The following KIF15 variants were observed in gnomAD, a reference collection of about 807,000 sequenced individuals.
KIF15 encodes the protein kinesin-like protein KIF15.
In KIF15, 140 loss-of-function variants were observed where a neutral mutation model predicts 190.6. That is an observed-to-expected ratio of 0.73 (90% confidence interval 0.64 to 0.84). The LOEUF is 0.84. KIF15 is among the 40% of genes least tolerant of loss of function. The probability of loss-of-function intolerance (pLI) is 0.00; values close to 1 mark genes in which losing one functional copy is unlikely to be tolerated. For missense variants in KIF15, 1,372 were observed against 1,584.4 expected (o/e 0.87, Z 2.28); for synonymous variants, 528 against 551.3 (o/e 0.96, Z 0.59).
chr3:44,763,780 T>A (rs1705261822), intron 1 of KIF15, among the ~76,000 whole-genome samples: 1 of 151,544 alleles, frequency 6.6e-6, no homozygotes, highest in Non-Finnish European at 1.5e-5. Flanking sequence ...CTCCACCTCC[T>A]GGGTTCAAGC....
rs781443874 is a variant in KIF15 at position 44,825,988 on chromosome 3, G to T, written c.2550-51G>T. The T allele has an allele frequency of 3.4e-6, 5 of 1,472,172 alleles. No individual in the cohort carries two copies. The South Asian group carries it at 6.3e-5, about 18-fold the overall frequency. The allele number at this position is 1,472,172 out of a possible 1,614,324, so 91.2% of individuals were successfully genotyped here. A position where few individuals can be genotyped will look rare whatever the true frequency, so the allele number is the denominator to read the frequency against. ...TGAACTGCAGATGATCTGATTAATA[G>T]AAATACATTAAATGTTTATTTACCA... On this transcript the variant is annotated intron_variant, in intron 20 of 34. Transcript: ENST00000326047.
At chr3:44,803,317 A>G (rs919637057) in intron 14 of KIF15, among the ~76,000 whole-genome samples, 1 of 152,218 alleles carries the variant, frequency 6.6e-6, no homozygotes, top group Non-Finnish European at 1.5e-5. Flanking sequence ...AAAGTCTTTA[A>G]CTAATCAAAC....
chr3:44,766,894 T>G (rs931029757), intron 1 of KIF15, among the ~76,000 whole-genome samples: 2 of 141,706 alleles, frequency 1.4e-5, no homozygotes, highest in Non-Finnish European at 3.0e-5. Context: ...CACTGCAAGC[T>G]CCGCCTCCTG....
intron 16 of KIF15, 116 bp from the exon 17 acceptor site, chr3:44,810,729 CT>C: frequency 1.2e-6 from 1 of 857,378 alleles, no homozygotes; most frequent in Non-Finnish European, 1.8e-6. Context: ...CTCAAGGGTA[CT>C]TTTTCCTTTC....
chr3:44,854,833 C>G (rs970235825), downstream of KIF15, among the ~76,000 whole-genome samples: 14 of 152,212 alleles, frequency 9.2e-5, no homozygotes, highest in African/African-American at 3.4e-4. Flanking sequence ...CCTTGTGCCT[C>G]TATCTCTTCT....
intron 19 of KIF15, among the ~76,000 whole-genome samples, chr3:44,814,591 A>T (rs1707944106): frequency 6.6e-6 from 1 of 152,200 alleles, no homozygotes; most frequent in African/African-American, 2.4e-5. Flanking sequence ...GATTATAGGC[A>T]TAAGCCACTG....
chr3:44,789,556 G>A (rs938433960), intron 7 of KIF15, among the ~76,000 whole-genome samples: 2 of 149,504 alleles, frequency 1.3e-5, no homozygotes, highest in South Asian at 4.2e-4. Flanking sequence ...TTTCTTGTCC[G>A]TGTAATCTAT....
intron 6 of KIF15, among the ~76,000 whole-genome samples, chr3:44,860,358 G>A (rs1575700339): frequency 6.6e-6 from 1 of 151,900 alleles, no homozygotes; most frequent in East Asian, 1.9e-4. Context: ...GTACCATATT[G>A]GCGTTACTGA....
chr3:44,794,518 G>A, intron 8 of KIF15, 92 bp downstream of exon 8: 2 of 934,648 alleles, frequency 2.1e-6, no homozygotes, highest in Non-Finnish European at 3.2e-6. Context: ...AGTCAATGAG[G>A]AACTGCATTT....
chr3:44,864,099 GC>G (rs1699293469), intron 6 of KIF15: 1 of 1,500,642 alleles, frequency 6.7e-7, no homozygotes, highest in African/African-American at 1.4e-5. Context: ...CTCAGTAGGA[GC>G]CTGGGTGCCA....
At chr3:44,843,275 C>T (rs1326597325) in intron 30 of KIF15, 41 bp downstream of exon 30, 1 of 1,382,580 alleles carries the variant, frequency 7.2e-7, no homozygotes, top group Non-Finnish European at 1.0e-6. Flanking sequence ...TAAATCTTGG[C>T]CTGCCTGTGT....
At chr3:44,834,926 C>A (rs2125705550) in intron 26 of KIF15, among the ~76,000 whole-genome samples, 1 of 150,776 alleles carries the variant, frequency 6.6e-6, no homozygotes, top group East Asian at 1.9e-4. Context: ...GAGCGATACT[C>A]CATCTCAAAA....
At position 44,805,101 on chromosome 3, in the gene KIF15, C is replaced by G. The variant is rs1707435394; in HGVS notation, c.1762C>G (p.Leu588Val). The part of the protein sequence containing the change: ...FANTEKLKAQ[L>V]LQIQTELNNS... ...AAACACTGAGAAGTTAAAAGCACAA[C>G]TCCTGCAAATTCAGACAGAGCTGAA... The change falls in exon 15 of 35, where the codon CTC (leucine) becomes GTC (valine). Residue 588 changes from leucine (L) to valine (V), a missense_variant. Coordinates refer to ENST00000326047, the MANE Select transcript of KIF15 (RefSeq NM_020242.3). 1 of 1,613,630 alleles carries G rather than the reference C, an allele frequency of 6.2e-7. No individual in the cohort carries two copies. Among genetic ancestry groups the G allele is most frequent in the African/African-American group, 1.3e-5 (1 of 74,888 alleles).
At chr3:44,823,428 C>G (rs1697465610) in intron 20 of KIF15, among the ~76,000 whole-genome samples, 1 of 152,154 alleles carries the variant, frequency 6.6e-6, no homozygotes, top group African/African-American at 2.4e-5. Context: ...TCAGTCGGCC[C>G]CTACTGGGAG....
rs1707208678 is a variant in KIF15 at position 44,800,355 on chromosome 3, C to G, written c.1140C>G (p.Leu380=). 4 of 1,614,178 alleles carry G rather than the reference C, an allele frequency of 2.5e-6. No individual in the cohort carries two copies. Among genetic ancestry groups the G allele is most frequent in the Non-Finnish European group, 2.5e-6 (3 of 1,180,022 alleles). ...ACACCCAAGGAAATGTGAGCCAGCTCCAAGCTGAAGTGAAGAGGCTCAAAG... is the reference window on the plus strand; with the variant it reads ...ACACCCAAGGAAATGTGAGCCAGCTGCAAGCTGAAGTGAAGAGGCTCAAAG... ...NEDTQGNVSQ[L]QAEVKRLKEQ... Residue 380 remains leucine, a synonymous_variant, in exon 11 of 35, where the codon CTC becomes CTG. Transcript: ENST00000326047.
At chr3:44,775,460 C>T in intron 3 of KIF15, 23 bp downstream of exon 3, 4 of 1,343,602 alleles carry the variant, frequency 3.0e-6, no homozygotes, top group Non-Finnish European at 3.0e-6. Context: ...AGAAACTTAA[C>T]TTTTTTTTTT....
At chr3:44,780,074 T>G (rs1221479340) in intron 4 of KIF15, among the ~76,000 whole-genome samples, 1 of 141,184 alleles carries the variant, frequency 7.1e-6, no homozygotes, top group Non-Finnish European at 1.5e-5. Context: ...CAACTTTTTT[T>G]TTTTTTTTTT....
chr3:44,836,128 C>T (rs1032163434), intron 26 of KIF15, among the ~76,000 whole-genome samples: 2 of 152,168 alleles, frequency 1.3e-5, no homozygotes, highest in Non-Finnish European at 2.9e-5. Flanking sequence ...AGGTGGATCA[C>T]TTGAGGCCAG....
rs772983474 is a variant in KIF15 at position 44,786,386 on chromosome 3, T to G, written c.460-9T>G. On this transcript the variant is annotated splice_polypyrimidine_tract_variant and intron_variant, in intron 6 of 34. Transcript: ENST00000326047. ...AATAATGTATCTAAATGAGGCTTCT[T>G]TTTTACAGGCTGGAGCTGGAAAGAG... The G allele has an allele frequency of 1.9e-6, 3 of 1,589,466 alleles. No homozygotes were observed. Among genetic ancestry groups the G allele is most frequent in the Non-Finnish European group, 2.6e-6 (3 of 1,165,118 alleles).
Sources: gnomAD v4.1 joint callset for allele counts (sites outside exome capture counted in the v4.1 genomes callset) on GRCh38, gnomAD v4.1.1 for gene constraint, MANE v1.5 for transcripts, NCBI Gene and HGNC (gene_info 2026-07-23, HGNC 2026-07-21) for gene names.